OR13C3: variants seen among roughly 807,000 people sequenced by gnomAD.
The protein encoded by OR13C3 is olfactory receptor 13C3.
Under a neutral mutation model 14.4 loss-of-function variants are expected in OR13C3, and 19 were observed. The ratio of observed to expected loss-of-function variants is 1.31; its 90% CI spans 0.92 to 1.93. OR13C3 has a LOEUF of 1.93. Among genes scored for constraint, OR13C3 ranks in the 30% most tolerant of loss-of-function variants. The pLI is 0.00. For missense variants in OR13C3, 394 were observed against 381.4 expected (o/e 1.03, Z -0.27); for synonymous variants, 140 against 142.5 (o/e 0.98, Z 0.12).
At chr9:104,536,389 C>T in exon 1 of OR13C3, 1 of 1,614,108 alleles carries the variant, frequency 6.2e-7, no homozygotes, top group African/African-American at 1.3e-5. Flanking sequence ...AAGAAGCAGA[C>T]ATTCTGTTGA....
exon 1 of OR13C3, chr9:104,535,905 C>T (rs1285123069): frequency 3.1e-6 from 5 of 1,613,892 alleles, no homozygotes; most frequent in African/African-American, 1.3e-5. Flanking sequence ...CTAATGCTTG[C>T]AATTTTTCTT....
exon 1 of OR13C3, chr9:104,536,448 A>G: frequency 6.2e-7 from 1 of 1,614,176 alleles, no homozygotes; most frequent in Non-Finnish European, 8.5e-7. Flanking sequence ...CAGAGAAGGA[A>G]ATGTTTCTTT....
At chr9:104,536,190 T>C (rs778206828) in exon 1 of OR13C3, 2 of 1,614,156 alleles carry the variant, frequency 1.2e-6, no homozygotes, top group South Asian at 2.2e-5. Context: ...ATATTTCACA[T>C]GCGAAATGAT....
At chr9:104,536,217 A>G (rs762696276) in exon 1 of OR13C3, 2 of 1,614,162 alleles carry the variant, frequency 1.2e-6, no homozygotes, top group Non-Finnish European at 1.7e-6. Context: ...TATTATTCCC[A>G]CAGAAAGGCA....
rs371395241 is a variant in OR13C3, at chr9:104,536,328, G to T, written c.396C>A (p.Tyr132Ter). The T allele has an allele frequency of 1.2e-6, 2 of 1,614,148 alleles. No homozygotes were observed. The highest frequency in any genetic ancestry group is 8.5e-7 in the Non-Finnish European group (1 of 1,180,022). ...ACGCCACCTTGCTCAGGATGATGGGGTATCTCAGTGGGTTGCAGATGGCCA... is the reference window on the plus strand; with the variant it reads ...ACGCCACCTTGCTCAGGATGATGGGTTATCTCAGTGGGTTGCAGATGGCCA... The change falls in exon 1 of 1, where the codon TAC (tyrosine) becomes TAA (stop). Residue 132 changes from tyrosine (Y) to a stop codon, truncating the protein, a stop_gained. Transcript: ENST00000641090. LOFTEE classifies it high-confidence loss of function.
At chr9:104,535,833 G>A (rs746954870) in exon 1 of OR13C3, 14 of 1,613,466 alleles carry the variant, frequency 8.7e-6, no homozygotes, top group African/African-American at 4.0e-5. Context: ...TATTTCTCAA[G>A]CTATAGAGTA....
exon 1 of OR13C3, chr9:104,536,721 C>A: frequency 6.2e-7 from 1 of 1,613,738 alleles, no homozygotes; most frequent in South Asian, 1.1e-5. Flanking sequence ...TAATCTCACC[C>A]ATGTCATCTG....
At position 104,536,041 on chromosome 9, in the gene OR13C3, A is replaced by G. The variant is rs80083218; in HGVS notation, c.683T>C (p.Met228Thr). 3,317 of 1,614,114 alleles carry G rather than the reference A, an allele frequency of 2.1e-3. 78 individuals carry two copies. The Admixed American group carries it at 0.038, about 19-fold the overall frequency. ...CTTGCGTCTTCCTGTGGCTGAATTC[A>G]TTTGCAAGATGGTGTAGAGGATGAA... is the stretch of plus-strand genomic sequence containing the variant. The change falls in exon 1 of 1, where the codon ATG (methionine) becomes ACG (threonine). Residue 228 changes from methionine to threonine, a missense_variant. Met to Thr is a moderately conservative substitution (Grantham distance 81, BLOSUM62 -1). Coordinates refer to ENST00000641090, the Ensembl canonical transcript of OR13C3.
At chr9:104,536,769 A>T in exon 1 of OR13C3, 3 of 1,613,676 alleles carry the variant, frequency 1.9e-6, no homozygotes, top group Non-Finnish European at 2.5e-6. Flanking sequence ...CATGAAATGT[A>T]TTTACTGCCA....
chr9:104,535,901 C>T, exon 1 of OR13C3: 3 of 1,613,932 alleles, frequency 1.9e-6, no homozygotes, highest in Non-Finnish European at 8.5e-7. Flanking sequence ...TTGTCTAATG[C>T]TTGCAATTTT....
At chr9:104,536,013 T>C (rs746028508) in exon 1 of OR13C3, 1 of 1,614,004 alleles carries the variant, frequency 6.2e-7, no homozygotes, top group Non-Finnish European at 8.5e-7. Context: ...ACGTGGAAAA[T>C]GCCTTGCGTC....
chr9:104,536,419 A>G (rs1828818052), exon 1 of OR13C3: 1 of 1,614,186 alleles, frequency 6.2e-7, no homozygotes, highest in Non-Finnish European at 8.5e-7. Flanking sequence ...AAACCCAAAG[A>G]ACATCTGCAC....
exon 1 of OR13C3, chr9:104,536,230 C>T (rs752940181): frequency 6.2e-7 from 1 of 1,614,140 alleles, no homozygotes; most frequent in South Asian, 1.1e-5. Flanking sequence ...GAAAGGCAGT[C>T]TCATGGCAAG....
chr9:104,535,887 G>A lies in OR13C3; in HGVS notation c.837C>T (p.Leu279=), dbSNP rs142134607. 348 of 1,613,596 alleles carry A rather than the reference G, an allele frequency of 2.2e-4. 1 individual carries two copies. In the African/African-American group the frequency reaches 4.1e-3, roughly 19 times the overall value. The change falls in exon 1 of 1, where the codon CTC becomes CTT. Residue 279 remains leucine, a synonymous_variant. Coordinates refer to ENST00000641090, the Ensembl canonical transcript of OR13C3. ...TCACTACCCCATAAAACAGAGAAATGAGCTTGTCTAATGCTTGCAATTTTT... is the reference window on the plus strand; with the variant it reads ...TCACTACCCCATAAAACAGAGAAATAAGCTTGTCTAATGCTTGCAATTTTT...
exon 1 of OR13C3, chr9:104,536,029 G>A (rs376130440): frequency 1.9e-5 from 30 of 1,613,970 alleles, no homozygotes; most frequent in Non-Finnish European, 2.4e-5. Context: ...GCGTCTTCCT[G>A]TGGCTGAATT....
chr9:104,535,774 T>C (rs200001991), exon 1 of OR13C3: 305 of 1,597,020 alleles, frequency 1.9e-4, no homozygotes, highest in Non-Finnish European at 3.5e-5. Context: ...GTTTCATTAG[T>C]GAATTGGTTT....
rs1196360349 is a variant in OR13C3, at chr9:104,536,333, T to A, written c.391A>T (p.Arg131Ter). Residue 131 changes from arginine (R) to a stop codon, truncating the protein, a stop_gained, in exon 1 of 1, where the codon AGA becomes TGA. Coordinates refer to ENST00000641090, the Ensembl canonical transcript of OR13C3. LOFTEE classifies it high-confidence loss of function. ...ACCTTGCTCAGGATGATGGGGTATC[T>A]CAGTGGGTTGCAGATGGCCACATAA... The A allele has an allele frequency of 1.2e-6, 2 of 1,614,122 alleles. No homozygotes were observed. The highest frequency in any genetic ancestry group is 2.2e-5 in the South Asian group (2 of 91,070).
At chr9:104,535,886 T>C in exon 1 of OR13C3, 2 of 1,612,832 alleles carry the variant, frequency 1.2e-6, no homozygotes, top group Non-Finnish European at 1.7e-6. Context: ...AACAGAGAAA[T>C]GAGCTTGTCT....
At chr9:104,535,928 C>G (rs151168466) in exon 1 of OR13C3, 4 of 1,614,002 alleles carry the variant, frequency 2.5e-6, no homozygotes, top group Non-Finnish European at 3.4e-6. Context: ...CCAATCAGGT[C>G]TTGAGACTTC....
Sources: gnomAD v4.1 joint callset for allele counts on GRCh38, gnomAD v4.1.1 for gene constraint, MANE v1.5 for transcripts, NCBI Gene and HGNC (gene_info 2026-07-23, HGNC 2026-07-21) for gene names.